Variants in NLRP14 observed in about 807,000 individuals in gnomAD.
NLRP14 encodes NLR family pyrin domain containing 14, also known as NACHT, LRR and PYD domains-containing protein 14.
In NLRP14, 105 loss-of-function variants were observed where a neutral mutation model predicts 94.7. That is an observed-to-expected ratio of 1.11 (90% CI 0.95 to 1.30). The LOEUF (loss-of-function observed/expected upper bound fraction) is 1.30, where lower values mean the gene tolerates loss of function less well. Among genes scored for constraint, NLRP14 ranks in the 50% most tolerant of loss-of-function variants. The pLI, the probability that NLRP14 is intolerant of heterozygous loss-of-function variation, is 0.00. For synonymous variants in NLRP14, 508 were observed against 459.9 expected, an observed-to-expected ratio of 1.10 and a Z score of -1.34; for missense variants, 1,362 against 1,254.1, an observed-to-expected ratio of 1.09 and a Z score of -1.30.
chr11:7,057,651 T>G lies in NLRP14; in HGVS notation c.2292-26T>G, dbSNP rs79249984. Reference sequence around the variant, plus strand: ...TAATTATTCTCTAAGGAGTGGTCATTCCTGCTTTTCTGTGTTGTTTTCCAG... The same window carrying G: ...TAATTATTCTCTAAGGAGTGGTCATGCCTGCTTTTCTGTGTTGTTTTCCAG... On this transcript the variant is annotated intron_variant, in intron 6 of 11. Transcript: ENST00000299481. The G allele has an allele frequency of 0.033, 52,843 of 1,607,088 alleles. 969 individuals are homozygous for G. Among genetic ancestry groups the G allele is most frequent in the Middle Eastern group, 0.052 (311 of 6,024 alleles).
chr11:7,075,822 G>A (rs1442687597), downstream of NLRP14, among the ~76,000 whole-genome samples: 3 of 152,180 alleles, frequency 2.0e-5, no homozygotes, highest in Non-Finnish European at 4.4e-5. Context: ...GCACCCAGAA[G>A]TTTGATCACC....
At chr11:7,072,777 G>A (rs1045529548), downstream of NLRP14, among the ~76,000 whole-genome samples, 2 of 152,138 alleles carry the variant, frequency 1.3e-5, no homozygotes, top group African/African-American at 4.8e-5. Flanking sequence ...ACTTTATCAG[G>A]GATTGTGGTT....
chr11:7,070,174 C>G, intron 10 of NLRP14, 112 bp from the exon 11 acceptor site: 4 of 762,100 alleles, frequency 5.2e-6, no homozygotes, highest in Non-Finnish European at 9.1e-6. Context: ...TAACTGTGCT[C>G]ATTTTTTAAA....
the NLRP14 span, chr11:7,088,958 AG>A: frequency 3.9e-6 from 3 of 772,828 alleles, no homozygotes. Flanking sequence ...CACAGGCAGC[AG>A]GGGCGCGCCC....
At chr11:7,048,157 T>C (rs1852387487) in intron 5 of NLRP14, among the ~76,000 whole-genome samples, 2 of 152,248 alleles carry the variant, frequency 1.3e-5, no homozygotes, top group South Asian at 4.1e-4. Context: ...TAGTATTCCA[T>C]TGTATAACTA....
chr11:7,072,610 C>T (rs1461991560), downstream of NLRP14, among the ~76,000 whole-genome samples: 5 of 152,090 alleles, frequency 3.3e-5, no homozygotes, highest in African/African-American at 1.2e-4. Flanking sequence ...GTGCAGTGGC[C>T]TGTCACCACT....
chr11:7,039,679 A>G (rs1565014756), intron 2 of NLRP14, 35 bp from the exon 3 acceptor site: 3 of 1,544,212 alleles, frequency 1.9e-6, no homozygotes, highest in East Asian at 2.2e-5. Flanking sequence ...CTTTGTTTTC[A>G]TTAAATATCA....
At chr11:7,026,825 G>T (rs944136587) in intron 1 of NLRP14, among the ~76,000 whole-genome samples, 1 of 129,344 alleles carries the variant, frequency 7.7e-6, no homozygotes, top group Admixed American at 8.2e-5. Context: ...GTAGGGGGAG[G>T]GGGGAGGGAT....
At chr11:7,064,580 C>T (rs1465096884) in intron 10 of NLRP14, among the ~76,000 whole-genome samples, 1 of 152,146 alleles carries the variant, frequency 6.6e-6, no homozygotes, top group Non-Finnish European at 1.5e-5. Flanking sequence ...GCTAGAACTT[C>T]ACCTATTCTC....
chr11:7,059,692 C>G (rs1314449725), intron 8 of NLRP14, among the ~76,000 whole-genome samples: 1 of 151,884 alleles, frequency 6.6e-6, no homozygotes, highest in Non-Finnish European at 1.5e-5. Flanking sequence ...AAGAAAAATG[C>G]TGAAGAATAT....
chr11:7,056,383 G>T (rs114731134), intron 6 of NLRP14, among the ~76,000 whole-genome samples: 1,744 of 151,734 alleles, frequency 0.011, 31 homozygotes, highest in African/African-American at 0.04. Context: ...TCTTATAAAA[G>T]ATTTTCTGAT....
chr11:7,048,200 T>A (rs1258044135), intron 5 of NLRP14, among the ~76,000 whole-genome samples: 1 of 152,228 alleles, frequency 6.6e-6, no homozygotes, highest in East Asian at 1.9e-4. Flanking sequence ...TTCATTCTCT[T>A]GTTAATAGAC....
chr11:7,044,526 A>G (rs1852322794), intron 4 of NLRP14, among the ~76,000 whole-genome samples: 1 of 152,148 alleles, frequency 6.6e-6, no homozygotes, highest in Non-Finnish European at 1.5e-5. Flanking sequence ...TCAGCCCTTT[A>G]ATGCCTATCT....
At chr11:7,083,363 A>G in the NLRP14 span, among the ~76,000 whole-genome samples, 1 of 152,244 alleles carries the variant, frequency 6.6e-6, no homozygotes, top group Non-Finnish European at 1.5e-5. Context: ...TTGAAATTAT[A>G]GATTGTGAGA....
Position 7,042,444 on chromosome 11 carries a change from A to G in NLRP14, c.418A>G (p.Lys140Glu). ...GGAAAAATTTTGCATCACTTGGGAC[A>G]AGAAGTCTTTGGCTGGAAAGCCTGA... ...IKEKFCITWD[K>E]KSLAGKPEDF... Residue 140 changes from lysine to glutamate, a missense_variant, in exon 4 of 12, where the codon AAG becomes GAG. Transcript: ENST00000299481. 1 of 1,613,990 alleles carries G rather than the reference A, an allele frequency of 6.2e-7. No homozygotes were observed. Among genetic ancestry groups the G allele is most frequent in the Non-Finnish European group, 8.5e-7 (1 of 1,179,794 alleles).
intron 5 of NLRP14, 73 bp from the exon 6 acceptor site, chr11:7,049,598 T>G: frequency 1.9e-6 from 2 of 1,047,434 alleles, no homozygotes; most frequent in Non-Finnish European, 3.0e-6. Flanking sequence ...AGAATTAGAT[T>G]GAAAAGAAAG....
At chr11:7,075,639 T>A (rs539256788), downstream of NLRP14, among the ~76,000 whole-genome samples, 15 of 152,352 alleles carry the variant, frequency 9.8e-5, no homozygotes, top group African/African-American at 3.6e-4. Context: ...TTTGTCTTTG[T>A]TCTTTTCTTC....
At chr11:7,090,307 C>G in the NLRP14 span, 1 of 1,584,962 alleles carries the variant, frequency 6.3e-7, no homozygotes, top group Non-Finnish European at 8.6e-7. Context: ...TAAGCAGGAA[C>G]AGACTTGGGA....
At position 7,043,535 on chromosome 11, in the gene NLRP14, T is replaced by C; in HGVS notation, c.1509T>C (p.Pro503=). ...AAGGCAGTTGGGAAGCTGGGAACCC[T>C]TCCTGCCAGCCTTTTGAAGATTTGA... is the stretch of plus-strand genomic sequence containing the variant. ...MLKGSWEAGN[P]SCQPFEDLKS... Residue 503 remains proline (P), a synonymous_variant, in exon 4 of 12, where the codon CCT becomes CCC. Coordinates refer to ENST00000299481, the MANE Select transcript of NLRP14 (RefSeq NM_176822.4). The C allele has an allele frequency of 1.2e-6, 2 of 1,614,192 alleles. No homozygotes were observed. Among genetic ancestry groups the C allele is most frequent in the African/African-American group, 1.3e-5 (1 of 75,044 alleles).
Sources: allele counts gnomAD v4.1 joint callset (sites outside exome capture counted in the v4.1 genomes callset), GRCh38; gene constraint gnomAD v4.1.1; transcripts MANE v1.5; gene names NCBI Gene and HGNC (gene_info 2026-07-23, HGNC 2026-07-21).